Variants in PDE4B observed in about 807,000 individuals in gnomAD.
PDE4B encodes the protein phosphodiesterase 4B.
Under a neutral mutation model 82.2 loss-of-function variants are expected in PDE4B, and 20 were observed. The ratio of observed to expected loss-of-function variants is 0.24; its 90% CI spans 0.17 to 0.35. The LOEUF is 0.35. Among genes scored for constraint, PDE4B ranks in the 10% least tolerant of loss-of-function variants. The pLI is 1.00. For synonymous variants in PDE4B, 320 were observed against 318.9 expected (o/e 1.00, Z -0.04); for missense variants, 655 against 907.2 (o/e 0.72, Z 3.57).
chr1:66,281,750 T>C (rs1027641472), intron 7 of PDE4B, among the ~76,000 whole-genome samples: 1 of 152,224 alleles, frequency 6.6e-6, no homozygotes, highest in African/African-American at 2.4e-5. Context: ...AAGTATCAGA[T>C]TTTCTATTAG....
rs1553133083 is a variant in PDE4B at position 66,017,832 on chromosome 1, T to TTTA, written c.281+98997_281+98998insTTA. On this transcript the variant is annotated intron_variant, in intron 3 of 16. Coordinates refer to ENST00000341517, the MANE Select transcript of PDE4B (RefSeq NM_002600.4). ...GATAATCCAGTATTAGTGAGATTTT[T>TTTA]AAAAAATATATATATATATATTCAA... 2.5e-3 allele frequency among the ~76,000 whole-genome samples: 362 copies of TTTA among 145,852 alleles called. 2 individuals carry two copies. Among genetic ancestry groups the TTTA allele is most frequent in the African/African-American group, 7.6e-3 (311 of 40,740 alleles).
Position 65,846,103 on chromosome 1 carries a change from G to A in PDE4B, c.-71+52855G>A, listed in dbSNP as rs78936810. Among the ~76,000 whole-genome samples the A allele has an allele frequency of 7.7e-3, 1,171 of 152,262 alleles. 21 individuals are homozygous for A. The highest frequency in any genetic ancestry group is 0.026 in the African/African-American group (1,100 of 41,550). On this transcript the variant is annotated intron_variant, in intron 1 of 16. Transcript: ENST00000341517. The stretch of plus-strand genomic sequence containing the variant: ...TATGGTCTAAGTTCTTACTAATCTT[G>A]TTTGACTCCATGACAGCACTAGGTA...
rs375765731 is a variant in PDE4B at position 66,124,686 on chromosome 1, G to A, written c.282-122774G>A. The stretch of plus-strand genomic sequence containing the variant: ...AGCTCACTGAAGGTAGGTACAGCAG[G>A]TCCTCTAGTAATGCAGTTTTGTTCA... On this transcript the variant is annotated intron_variant, in intron 3 of 16. Transcript: ENST00000341517. Among the ~76,000 whole-genome samples the A allele has an allele frequency of 5.9e-5, 9 of 152,158 alleles. No homozygotes were observed. In the East Asian group the frequency reaches 1.5e-3, roughly 26 times the overall value.
chr1:66,260,886 C>T (rs2101714369), intron 6 of PDE4B, among the ~76,000 whole-genome samples: 1 of 152,274 alleles, frequency 6.6e-6, no homozygotes, highest in African/African-American at 2.4e-5. Context: ...ATCACGGCCC[C>T]TTGTGTCACC....
chr1:66,027,240 A>G lies in PDE4B; in HGVS notation c.281+108405A>G, dbSNP rs1447138338. Among the ~76,000 whole-genome samples, 7 of 152,304 alleles carry G rather than the reference A, an allele frequency of 4.6e-5. 1 individual carries two copies. Among genetic ancestry groups the G allele is most frequent in the African/African-American group, 7.2e-5 (3 of 41,566 alleles). On this transcript the variant is annotated intron_variant, in intron 3 of 16. Coordinates refer to ENST00000341517, the MANE Select transcript of PDE4B (RefSeq NM_002600.4). Reference sequence around the variant, plus strand: ...GCTGGAGGAAAAAGGCACTTCTTACATGGCAGCAACAAGAGAAAAATGAGG... The same window carrying G: ...GCTGGAGGAAAAAGGCACTTCTTACGTGGCAGCAACAAGAGAAAAATGAGG...
chr1:65,923,575 C>A (rs1248176256), intron 3 of PDE4B, among the ~76,000 whole-genome samples: 1 of 152,190 alleles, frequency 6.6e-6, no homozygotes, highest in East Asian at 1.9e-4. Flanking sequence ...AGAACCTCTG[C>A]TGGAATTATT....
chr1:65,936,864 G>A (rs1648175633), intron 3 of PDE4B, among the ~76,000 whole-genome samples: 1 of 152,124 alleles, frequency 6.6e-6, no homozygotes, highest in African/African-American at 2.4e-5. Context: ...TTAATCTGGG[G>A]GCAATTCTAT....
intron 3 of PDE4B, among the ~76,000 whole-genome samples, chr1:65,935,668 G>A (rs1648085957): frequency 6.6e-6 from 1 of 152,198 alleles, no homozygotes; most frequent in African/African-American, 2.4e-5. Context: ...ACAGCCGGGT[G>A]TGGTGGCTCA....
chr1:66,056,485 CATCTATCTATCT>C (rs1553138871), intron 3 of PDE4B, among the ~76,000 whole-genome samples: 114 of 143,688 alleles, frequency 7.9e-4, no homozygotes, highest in African/African-American at 2.4e-3. Context: ...ATCTATCTAT[CATCTATCTATCT>C]ATCTATCTAT....
chr1:66,256,134 C>G (rs1188037071), intron 4 of PDE4B, among the ~76,000 whole-genome samples: 1 of 152,182 alleles, frequency 6.6e-6, no homozygotes, highest in African/African-American at 2.4e-5. Context: ...TGAGATCACT[C>G]CACTACACTC....
At chr1:65,986,013 A>G (rs1650936912) in intron 3 of PDE4B, among the ~76,000 whole-genome samples, 1 of 152,198 alleles carries the variant, frequency 6.6e-6, no homozygotes, top group South Asian at 2.1e-4. Context: ...AACTGCTGTG[A>G]TTTAAGAAGT....
intron 1 of PDE4B, among the ~76,000 whole-genome samples, chr1:65,865,839 A>G (rs1340530631): frequency 6.6e-6 from 1 of 152,024 alleles, no homozygotes; most frequent in Non-Finnish European, 1.5e-5. Context: ...ATCTTGCCAG[A>G]TCCTCCTGAA....
intron 3 of PDE4B, among the ~76,000 whole-genome samples, chr1:66,135,030 G>C (rs546152090): frequency 6.6e-6 from 1 of 152,184 alleles, no homozygotes; most frequent in Non-Finnish European, 1.5e-5. Context: ...AGTCTTATAG[G>C]ATGAAGAATT....
At position 66,241,863 on chromosome 1, in the gene PDE4B, A is replaced by G. The variant is rs147629821; in HGVS notation, c.282-5597A>G. ...CCTAGTGACTCCCTTTAAGAGCTCCACTGAGGTCATCACCTGCCAGAGGTT... is the reference window on the plus strand; with the variant it reads ...CCTAGTGACTCCCTTTAAGAGCTCCGCTGAGGTCATCACCTGCCAGAGGTT... On this transcript the variant is annotated intron_variant, in intron 3 of 16. Coordinates refer to ENST00000341517, the MANE Select transcript of PDE4B (RefSeq NM_002600.4). Among the ~76,000 whole-genome samples the G allele has an allele frequency of 2.7e-3, 416 of 152,336 alleles. 4 individuals carry two copies. The highest frequency in any genetic ancestry group is 9.5e-3 in the African/African-American group (396 of 41,576).
chr1:65,881,655 T>C (rs1267550682), intron 1 of PDE4B, among the ~76,000 whole-genome samples: 1 of 152,212 alleles, frequency 6.6e-6, no homozygotes, highest in Non-Finnish European at 1.5e-5. Context: ...GGGCATAGTT[T>C]TGCTTTTGTG....
intron 8 of PDE4B, among the ~76,000 whole-genome samples, chr1:66,351,171 T>C (rs1300085932): frequency 6.6e-6 from 1 of 152,232 alleles, no homozygotes; most frequent in African/African-American, 2.4e-5. Flanking sequence ...AAATTTTGCT[T>C]GTCTGTGTTG....
chr1:66,265,692 G>T (rs1654980091), intron 6 of PDE4B, among the ~76,000 whole-genome samples: 1 of 125,370 alleles, frequency 8.0e-6, no homozygotes, highest in Admixed American at 7.5e-5. Context: ...GATTCACTCT[G>T]GCATTTCGAG....
chr1:66,304,552 A>T (rs1658134369), intron 7 of PDE4B, among the ~76,000 whole-genome samples: 1 of 152,030 alleles, frequency 6.6e-6, no homozygotes, highest in Non-Finnish European at 1.5e-5. Flanking sequence ...ACATTTTTCC[A>T]TGCGGATAAT....
chr1:66,242,180 G>A (rs1473402333), intron 3 of PDE4B, among the ~76,000 whole-genome samples: 1 of 152,046 alleles, frequency 6.6e-6, no homozygotes, highest in Non-Finnish European at 1.5e-5. Flanking sequence ...AATGAAAAGA[G>A]GTCACACCTT....
Sources: gnomAD v4.1 joint callset for allele counts (sites outside exome capture counted in the v4.1 genomes callset) on GRCh38, gnomAD v4.1.1 for gene constraint, MANE v1.5 for transcripts, NCBI Gene and HGNC (gene_info 2026-07-23, HGNC 2026-07-21) for gene names.